KCNJ6: variants seen among roughly 807,000 people sequenced by gnomAD.
KCNJ6 encodes the protein potassium inwardly rectifying channel subfamily J member 6, also known as G protein-activated inward rectifier potassium channel 2.
Under a neutral mutation model 34.2 loss-of-function variants are expected in KCNJ6, and 9 were observed. The ratio of observed to expected loss-of-function variants is 0.26; its 90% confidence interval spans 0.16 to 0.46. The LOEUF (loss-of-function observed/expected upper bound fraction) is 0.46. KCNJ6 is among the 20% of genes least tolerant of loss of function. KCNJ6 has a pLI of 1.00. For missense variants in KCNJ6, 236 were observed against 531.3 expected, an observed-to-expected ratio of 0.44 and a Z score of 5.46; for synonymous variants, 196 against 207.1, an observed-to-expected ratio of 0.95 and a Z score of 0.46.
At position 37,609,526 on chromosome 21, in the gene KCNJ6, G is replaced by C. The variant is rs1219900284; in HGVS notation, c.*15633C>G. On this transcript the variant is annotated 3_prime_UTR_variant, in exon 4 of 4. Coordinates refer to ENST00000609713, the MANE Select transcript of KCNJ6 (RefSeq NM_002240.5). ...TTTACTGGGCCATAGTAAACATTTT[G>C]GGCCTTAATATAATGCCATTTTATT... 6.6e-6 allele frequency: 1 copy of C among 152,058 alleles called. No homozygotes were observed. Among genetic ancestry groups the C allele is most frequent in the Non-Finnish European group, 1.5e-5 (1 of 68,024 alleles). The allele number at this position is 152,058 out of a possible 1,614,324, so 9.4% of individuals were successfully genotyped here.
At chr21:37,862,642 T>C (rs2123603502) in intron 1 of KCNJ6, among the ~76,000 whole-genome samples, 1 of 152,350 alleles carries the variant, frequency 6.6e-6, no homozygotes, top group East Asian at 1.9e-4. Flanking sequence ...GTGTTTACCC[T>C]GTGTAGATAG....
chr21:37,787,579 G>A (rs904994578), intron 2 of KCNJ6, among the ~76,000 whole-genome samples: 3 of 152,156 alleles, frequency 2.0e-5, no homozygotes, highest in Non-Finnish European at 4.4e-5. Context: ...TCTGAGGATG[G>A]GTCTGCCAAT....
At position 37,695,158 on chromosome 21, in the gene KCNJ6, C is replaced by T. The variant is rs1036253285; in HGVS notation, c.946+19053G>A. Among the ~76,000 whole-genome samples the T allele has an allele frequency of 6.6e-6, 1 of 152,200 alleles. No individual in the cohort carries two copies. Among genetic ancestry groups the T allele is most frequent in the Non-Finnish European group, 1.5e-5 (1 of 68,042 alleles). ...AAGCACCAGGAATGAAGTGAGCATGCACACCATAATGATGCACAATCTTGC... is the reference window on the plus strand; with the variant it reads ...AAGCACCAGGAATGAAGTGAGCATGTACACCATAATGATGCACAATCTTGC... On this transcript the variant is annotated intron_variant, in intron 3 of 3. Coordinates refer to ENST00000609713, the MANE Select transcript of KCNJ6 (RefSeq NM_002240.5). This position sits in a 1 kb window ranked among gnomAD's most constrained non-coding sequence, Gnocchi z 4.2.
At chr21:37,658,669 C>A (rs3392) in intron 3 of KCNJ6, among the ~76,000 whole-genome samples, 84,889 of 152,072 alleles carry the variant, frequency 0.56, 23,751 homozygotes, top group South Asian at 0.68. Context: ...CCAGAGGCAG[C>A]GCTTACAGGA....
At chr21:37,636,474 G>C (rs529182496) in intron 3 of KCNJ6, among the ~76,000 whole-genome samples, 14 of 152,344 alleles carry the variant, frequency 9.2e-5, no homozygotes, top group African/African-American at 2.9e-4. Context: ...GAGCTTCTCT[G>C]TCTGGATGCC....
At chr21:37,637,223 G>T (rs959442576) in intron 3 of KCNJ6, among the ~76,000 whole-genome samples, 2 of 152,158 alleles carry the variant, frequency 1.3e-5, no homozygotes, top group Non-Finnish European at 2.9e-5. Context: ...GCATAATCAT[G>T]GTTTTAGTTC....
chr21:37,640,846 C>T (rs564660886), intron 3 of KCNJ6, among the ~76,000 whole-genome samples: 10 of 152,316 alleles, frequency 6.6e-5, no homozygotes, highest in Admixed American at 2.6e-4. Context: ...ATCCTCTTCT[C>T]TTAAAATATA....
chr21:37,857,521 A>G (rs1179506777), intron 1 of KCNJ6, among the ~76,000 whole-genome samples: 1 of 152,238 alleles, frequency 6.6e-6, no homozygotes, highest in Non-Finnish European at 1.5e-5. Context: ...GGCTGAGTGG[A>G]AAAGAAACTG....
intron 2 of KCNJ6, among the ~76,000 whole-genome samples, chr21:37,744,258 C>T (rs1339662562): frequency 6.6e-6 from 1 of 151,734 alleles, no homozygotes; most frequent in Non-Finnish European, 1.5e-5. Context: ...CACATGTATA[C>T]ATATGTAACA....
intron 2 of KCNJ6, among the ~76,000 whole-genome samples, chr21:37,802,023 G>A (rs2123532816): frequency 6.6e-6 from 1 of 152,324 alleles, no homozygotes; most frequent in Non-Finnish European, 1.5e-5. Flanking sequence ...TGAAGCTGGA[G>A]CCAATGCCAA....
rs1461169211 is a variant in KCNJ6 at position 37,619,618 on chromosome 21, G to C, written c.*5541C>G. Reference sequence around the variant, plus strand: ...GTAAACTGTAGGCTAGAGAAAACTAGCAAGAAAACAGAGGGAGACATCTGG... The same window carrying C: ...GTAAACTGTAGGCTAGAGAAAACTACCAAGAAAACAGAGGGAGACATCTGG... On this transcript the variant is annotated 3_prime_UTR_variant, in exon 4 of 4. Coordinates refer to ENST00000609713, the MANE Select transcript of KCNJ6 (RefSeq NM_002240.5). The C allele has an allele frequency of 6.6e-6, 1 of 152,212 alleles. No homozygotes were observed. Among genetic ancestry groups the C allele is most frequent in the Non-Finnish European group, 1.5e-5 (1 of 68,050 alleles). 9.4% of individuals were successfully genotyped at this position (152,212 alleles called of 1,614,324 possible).
At chr21:37,745,294 A>C (rs893728556) in intron 2 of KCNJ6, among the ~76,000 whole-genome samples, 2 of 151,748 alleles carry the variant, frequency 1.3e-5, no homozygotes, top group East Asian at 1.9e-4. Flanking sequence ...ATTTATTTCT[A>C]TATTTATTGC....
In KCNJ6 at chr21:37,881,917, C is replaced by T. The variant is rs577284763; in HGVS notation, c.-28+33967G>A. Among the ~76,000 whole-genome samples, 19 of 152,232 alleles carry T rather than the reference C, an allele frequency of 1.2e-4. 2 individuals are homozygous for T. In the South Asian group the frequency reaches 1.7e-3, roughly 13 times the overall value. On this transcript the variant is annotated intron_variant, in intron 1 of 3. Transcript: ENST00000609713. ...CAGGTGGACAGTAAATAGGGCAGTG[C>T]TAAGACCAACAGGAGGAAATTTGTG...
chr21:37,799,383 C>T (rs771018972), intron 2 of KCNJ6, among the ~76,000 whole-genome samples: 10 of 152,108 alleles, frequency 6.6e-5, no homozygotes, highest in Admixed American at 2.0e-4. Flanking sequence ...GGATGAAAGG[C>T]GGGAAGGCTG....
In KCNJ6 at chr21:37,892,760, T is replaced by G. The variant is rs537536320; in HGVS notation, c.-28+23124A>C. ...TTGACCCTGGCAATGAGGTAAAATC[T>G]TTTCACTGAGGAGTTTTTAAGAAGA... On this transcript the variant is annotated intron_variant, in intron 1 of 3. Transcript: ENST00000609713. Among the ~76,000 whole-genome samples, 13 of 152,282 alleles carry G rather than the reference T, an allele frequency of 8.5e-5. 1 individual carries two copies. In the East Asian group the frequency reaches 2.5e-3, roughly 29 times the overall value.
At chr21:37,870,760 A>AG (rs2055647587) in intron 1 of KCNJ6, among the ~76,000 whole-genome samples, 2 of 152,120 alleles carry the variant, frequency 1.3e-5, no homozygotes, top group Non-Finnish European at 2.9e-5. Flanking sequence ...TGACTTTTCA[A>AG]GGGGGTCATC....
At chr21:37,691,535 C>T (rs918466043) in intron 3 of KCNJ6, among the ~76,000 whole-genome samples, 4 of 152,176 alleles carry the variant, frequency 2.6e-5, no homozygotes, top group East Asian at 1.9e-4. Context: ...CAGCTGAGAC[C>T]GACTTCTAAG....
Position 37,615,225 on chromosome 21 carries a change from G to A in KCNJ6, c.*9934C>T, listed in dbSNP as rs2054261799. On this transcript the variant is annotated 3_prime_UTR_variant, in exon 4 of 4. Coordinates refer to ENST00000609713, the MANE Select transcript of KCNJ6 (RefSeq NM_002240.5). Reference sequence around the variant, plus strand: ...GTCCTCTTTCTGAAATCAGACCCTCGACTGACATTCCCAGCATTCTTTTTT... The same window carrying A: ...GTCCTCTTTCTGAAATCAGACCCTCAACTGACATTCCCAGCATTCTTTTTT... 1 of 145,882 alleles carries A rather than the reference G, an allele frequency of 6.9e-6. No homozygotes were observed. Among genetic ancestry groups the A allele is most frequent in the African/African-American group, 2.6e-5 (1 of 39,012 alleles). 9.0% of individuals were successfully genotyped at this position (145,882 alleles called of 1,614,324 possible).
intron 1 of KCNJ6, among the ~76,000 whole-genome samples, chr21:37,865,587 A>G (rs1446924700): frequency 6.6e-6 from 1 of 152,248 alleles, no homozygotes; most frequent in African/African-American, 2.4e-5. Flanking sequence ...TATCTAATTA[A>G]TCATTTTATG....
Sources: allele counts gnomAD v4.1 joint callset (sites outside exome capture counted in the v4.1 genomes callset), GRCh38; gene constraint gnomAD v4.1.1; non-coding constraint Gnocchi (gnomAD v3.1); transcripts MANE v1.5; gene names NCBI Gene and HGNC (gene_info 2026-07-23, HGNC 2026-07-21).